DOCK8: variants seen among roughly 807,000 people sequenced by gnomAD.
DOCK8 encodes dedicator of cytokinesis 8, also known as dedicator of cytokinesis protein 8.
A neutral mutation model predicts 245.6 loss-of-function variants in DOCK8; 141 were observed. The observed-to-expected ratio is 0.57, with a 90% CI of 0.50 to 0.66. The LOEUF is 0.66. Ranked by LOEUF, DOCK8 falls within the 30% of genes least tolerant of loss-of-function variation. The probability of loss-of-function intolerance (pLI) is 0.00; values close to 1 mark genes in which losing one functional copy is unlikely to be tolerated. For missense variants in DOCK8, 2,965 were observed against 2,603.4 expected, an observed-to-expected ratio of 1.14 and a Z score of -3.02; for synonymous variants, 1,168 against 970.2, an observed-to-expected ratio of 1.20 and a Z score of -3.79.
chr9:328,050 A>T lies in DOCK8; in HGVS notation c.923A>T (p.Asn308Ile), dbSNP rs767154703. Residue 308 changes from asparagine to isoleucine, a missense_variant, in exon 9 of 48, where the codon AAC (asparagine) becomes ATC (isoleucine). Physicochemically the swap from Asn to Ile is moderately radical, Grantham distance 149. Around this residue, in one of 3 missense-constraint regions of DOCK8, gnomAD observed 2,825 missense variants for 2,453.5 expected, o/e 1.15. Transcript: ENST00000432829. ...KISENFHCDL[N>I]SDQFKGFLRA... The stretch of plus-strand genomic sequence containing the variant: ...TCAGAAAATTTTCACTGTGACCTGA[A>T]CTCTGACCAGTTCAAAGGATTTCTG... 1 of 1,614,042 alleles carries T rather than the reference A, an allele frequency of 6.2e-7. No homozygotes were observed. Among genetic ancestry groups the T allele is most frequent in the Admixed American group, 1.7e-5 (1 of 60,002 alleles).
intron 33 of DOCK8, among the ~76,000 whole-genome samples, chr9:424,055 C>T (rs1012853087): frequency 3.9e-5 from 4 of 102,552 alleles, no homozygotes; most frequent in Non-Finnish European, 8.4e-5. Flanking sequence ...TTCTCAGGGG[C>T]TTTGTGCTTT....
intron 1 of DOCK8, 84 bp downstream of exon 1, chr9:215,113 C>T (rs2046713317): frequency 1.3e-6 from 2 of 1,499,484 alleles, no homozygotes; most frequent in Non-Finnish European, 1.8e-6. Flanking sequence ...GGGGCCGAGG[C>T]CGGACGAGTC....
At chr9:280,574 C>T (rs1331027666) in intron 2 of DOCK8, among the ~76,000 whole-genome samples, 1 of 152,208 alleles carries the variant, frequency 6.6e-6, no homozygotes, top group Non-Finnish European at 1.5e-5. Context: ...GTCTGAACTG[C>T]CAGAGAGCCT....
chr9:242,650 G>A (rs2047402086), intron 1 of DOCK8, among the ~76,000 whole-genome samples: 2 of 152,158 alleles, frequency 1.3e-5, no homozygotes, highest in Non-Finnish European at 1.5e-5. Context: ...CAGTATGTGA[G>A]GGGCAATGCT....
intron 24 of DOCK8, among the ~76,000 whole-genome samples, chr9:392,022 C>T (rs2054214687): frequency 6.6e-6 from 1 of 151,188 alleles, no homozygotes; most frequent in Admixed American, 6.6e-5. Flanking sequence ...CCTGTAATCC[C>T]ATCTACTCAG....
At chr9:410,019 C>G (rs930044118) in intron 28 of DOCK8, among the ~76,000 whole-genome samples, 8 of 152,146 alleles carry the variant, frequency 5.3e-5, no homozygotes, top group Non-Finnish European at 1.2e-4. Context: ...ATAAATCATG[C>G]TGCTATAAAG....
intron 43 of DOCK8, among the ~76,000 whole-genome samples, chr9:445,582 T>C (rs996592787): frequency 1.3e-5 from 2 of 152,232 alleles, no homozygotes; most frequent in African/African-American, 2.4e-5. Context: ...AACCAAGATA[T>C]AGAACAGATC....
chr9:414,485 A>G (rs1377023210), intron 28 of DOCK8, among the ~76,000 whole-genome samples: 3 of 151,304 alleles, frequency 2.0e-5, no homozygotes, highest in African/African-American at 7.3e-5. Flanking sequence ...GGGTTAGAAC[A>G]CAGGCAGTCT....
chr9:443,092 A>G (rs1325857073), intron 42 of DOCK8, among the ~76,000 whole-genome samples: 1 of 152,216 alleles, frequency 6.6e-6, no homozygotes, highest in Non-Finnish European at 1.5e-5. Flanking sequence ...ATTTGCCACA[A>G]TATGGGAAGG....
At chr9:213,828 A>C (rs7867257), upstream of DOCK8, 13,801 of 152,000 alleles carry the variant, frequency 0.091, 806 homozygotes, top group African/African-American at 0.17. Flanking sequence ...TCCCGGGTTC[A>C]AGTGATTCCC....
intron 19 of DOCK8, 88 bp downstream of exon 19, chr9:376,393 T>C: frequency 2.1e-6 from 2 of 953,834 alleles, no homozygotes; most frequent in East Asian, 4.8e-5. Context: ...GTGAAAATCC[T>C]TGTCTACAGA....
chr9:212,090 T>C (rs2046627936), upstream of DOCK8, among the ~76,000 whole-genome samples: 1 of 152,204 alleles, frequency 6.6e-6, no homozygotes, highest in Non-Finnish European at 1.5e-5. Context: ...TCTCTAAGCC[T>C]CAGTTTCTCC....
In DOCK8 at chr9:371,524, G is replaced by T. The variant is rs760571623; in HGVS notation, c.1965G>T (p.Gln655His). Reference sequence around the variant, plus strand: ...TCACCTTCTACCATATCAGCTGTCAGCAGAAGCAAGGAGCCTCCGTGGAAA... The same window carrying T: ...TCACCTTCTACCATATCAGCTGTCATCAGAAGCAAGGAGCCTCCGTGGAAA... ...LLFTFYHISC[Q>H]QKQGASVETL... Residue 655 changes from glutamine (Q) to histidine (H), a missense_variant, in exon 17 of 48, where the codon CAG (glutamine) becomes CAT (histidine). Gln to His is a conservative substitution (Grantham distance 24, BLOSUM62 0). Transcript: ENST00000432829. 6.2e-7 allele frequency: 1 copy of T among 1,614,212 alleles called. No homozygotes were observed. The highest frequency in any genetic ancestry group is 8.5e-7 in the Non-Finnish European group (1 of 1,180,038).
At chr9:273,917 G>A (rs2048239935) in intron 2 of DOCK8, among the ~76,000 whole-genome samples, 1 of 152,090 alleles carries the variant, frequency 6.6e-6, no homozygotes, top group Admixed American at 6.6e-5. Flanking sequence ...TGTTGGTAGG[G>A]CTGGTCTCTA....
At chr9:437,814 G>A (rs1342244340) in intron 39 of DOCK8, among the ~76,000 whole-genome samples, 2 of 152,132 alleles carry the variant, frequency 1.3e-5, no homozygotes, top group African/African-American at 2.4e-5. Context: ...CTGTAGATAC[G>A]GACACATTCT....
At chr9:364,306 A>C (rs1207857174) in intron 14 of DOCK8, among the ~76,000 whole-genome samples, 1 of 152,224 alleles carries the variant, frequency 6.6e-6, no homozygotes, top group Non-Finnish European at 1.5e-5. Context: ...TGGCATAAAA[A>C]AAGATAAAGC....
At chr9:284,783 C>G (rs1012851705) in intron 2 of DOCK8, among the ~76,000 whole-genome samples, 4 of 152,144 alleles carry the variant, frequency 2.6e-5, no homozygotes, top group African/African-American at 9.7e-5. Context: ...GAGATCATGC[C>G]TTTTGTGGGA....
At chr9:330,659 G>T (rs935902547) in intron 9 of DOCK8, among the ~76,000 whole-genome samples, 2 of 151,984 alleles carry the variant, frequency 1.3e-5, no homozygotes, top group African/African-American at 2.4e-5. Flanking sequence ...CATGAAATAT[G>T]AAAAAAATAG....
chr9:310,263 G>A (rs796790246), intron 5 of DOCK8, among the ~76,000 whole-genome samples: 4 of 51,386 alleles, frequency 7.8e-5, no homozygotes, highest in African/African-American at 3.4e-4. Context: ...GTGAAACTCC[G>A]TCTAAAAAAA....
Sources: gnomAD v4.1 joint callset for allele counts (sites outside exome capture counted in the v4.1 genomes callset) on GRCh38, gnomAD v4.1.1 for gene constraint, gnomAD v4.1.1 regional missense constraint, MANE v1.5 for transcripts, NCBI Gene and HGNC (gene_info 2026-07-23, HGNC 2026-07-21) for gene names.